FGD4: variants seen among roughly 807,000 people sequenced by gnomAD.
The protein encoded by FGD4 is FYVE, RhoGEF and PH domain-containing protein 4.
FGD4 carries 42 observed loss-of-function variants against 102.0 expected under a neutral mutation model. That is an observed-to-expected ratio of 0.41 (90% CI 0.32 to 0.53). The LOEUF is 0.53. Ranked by LOEUF, FGD4 falls within the 20% of genes least tolerant of loss-of-function variation. The pLI is 0.21. For missense variants in FGD4, 902 were observed against 1,078.2 expected (o/e 0.84, Z 2.29); for synonymous variants, 380 against 375.7 (o/e 1.01, Z -0.13).
intron 1 of FGD4, among the ~76,000 whole-genome samples, chr12:32,496,067 T>C (rs759717368): frequency 6.6e-6 from 1 of 152,216 alleles, no homozygotes; most frequent in Non-Finnish European, 1.5e-5. Context: ...AATAAATCCC[T>C]GGTATCAACA....
intron 1 of FGD4, among the ~76,000 whole-genome samples, chr12:32,425,706 A>G (rs1283798066): frequency 6.6e-6 from 1 of 152,310 alleles, no homozygotes; most frequent in African/African-American, 2.4e-5. Context: ...ATCCATGAGA[A>G]TGGAATGTTT....
intron 5 of FGD4, among the ~76,000 whole-genome samples, chr12:32,600,891 G>A (rs1051555097): frequency 4.6e-5 from 7 of 152,012 alleles, no homozygotes; most frequent in South Asian, 2.1e-4. Context: ...GAAGTCTTTC[G>A]AAACATAAAG....
chr12:32,554,977 A>G (rs73305519), intron 1 of FGD4, among the ~76,000 whole-genome samples: 2,322 of 152,378 alleles, frequency 0.015, 59 homozygotes, highest in African/African-American at 0.052. Context: ...ATGTGGATCC[A>G]TTGGAGAATT....
At chr12:32,482,831 A>G (rs769513171) in intron 1 of FGD4, among the ~76,000 whole-genome samples, 32 of 152,308 alleles carry the variant, frequency 2.1e-4, no homozygotes, top group Non-Finnish European at 4.3e-4. Flanking sequence ...GCACTTTAGA[A>G]ATCACGTTTT....
At chr12:32,452,388 A>T (rs1294508308) in intron 1 of FGD4, among the ~76,000 whole-genome samples, 1 of 152,226 alleles carries the variant, frequency 6.6e-6, no homozygotes, top group East Asian at 1.9e-4. Flanking sequence ...CTGTTCCTCC[A>T]AAAGCAAGTT....
chr12:32,563,938 C>A (rs1300880793), intron 1 of FGD4, among the ~76,000 whole-genome samples, 199 bp from the exon 2 acceptor site: 1 of 146,670 alleles, frequency 6.8e-6, no homozygotes, highest in South Asian at 2.2e-4. Context: ...TGCAGTGAGC[C>A]GAGATGGCAG....
At chr12:32,523,145 C>G (rs1940729000) in intron 1 of FGD4, among the ~76,000 whole-genome samples, 1 of 152,022 alleles carries the variant, frequency 6.6e-6, no homozygotes, top group Admixed American at 6.6e-5. Context: ...AAAAAGAGAA[C>G]AGAGAGGAAT....
At chr12:32,525,979 GC>G (rs1427126391) in intron 1 of FGD4, among the ~76,000 whole-genome samples, 6 of 152,240 alleles carry the variant, frequency 3.9e-5, no homozygotes, top group Non-Finnish European at 8.8e-5. Context: ...CTCCTGTGCG[GC>G]CCGAGCCTCC....
intron 15 of FGD4, 99 bp from the exon 16 acceptor site, chr12:32,638,556 G>A (rs1293912368): frequency 6.7e-7 from 1 of 1,486,630 alleles, no homozygotes; most frequent in Non-Finnish European, 9.3e-7. Flanking sequence ...TTTTTGGATA[G>A]TCCAGGGAAA....
At chr12:32,482,611 T>A (rs1182181051) in intron 1 of FGD4, among the ~76,000 whole-genome samples, 1 of 152,220 alleles carries the variant, frequency 6.6e-6, no homozygotes, top group Admixed American at 6.5e-5. Context: ...TAAAATGATT[T>A]GCTTACAAGT....
intron 1 of FGD4, among the ~76,000 whole-genome samples, chr12:32,405,825 A>G (rs908448700): frequency 6.6e-6 from 1 of 152,160 alleles, no homozygotes; most frequent in African/African-American, 2.4e-5. Flanking sequence ...GTTCAGAACC[A>G]GAATTCAATC....
At chr12:32,473,337 T>C (rs1377986963) in intron 1 of FGD4, among the ~76,000 whole-genome samples, 1 of 150,058 alleles carries the variant, frequency 6.7e-6, no homozygotes, top group Non-Finnish European at 1.5e-5. Flanking sequence ...TCCATGCTGC[T>C]TTTATGAGCT....
intron 1 of FGD4, among the ~76,000 whole-genome samples, chr12:32,562,840 G>A (rs1165384302): frequency 4.6e-5 from 7 of 152,286 alleles, no homozygotes; most frequent in Admixed American, 1.3e-4. Flanking sequence ...GCAACCATCC[G>A]ACTTCTCAAT....
At chr12:32,486,091 A>C (rs1415574900) in intron 1 of FGD4, 1 of 1,525,678 alleles carries the variant, frequency 6.6e-7, no homozygotes, top group Non-Finnish European at 8.7e-7. Context: ...AGCAGGAAAT[A>C]GGTTAATCAG....
At chr12:32,463,128 G>C (rs777771720) in intron 1 of FGD4, among the ~76,000 whole-genome samples, 3 of 152,214 alleles carry the variant, frequency 2.0e-5, no homozygotes, top group Non-Finnish European at 4.4e-5. Flanking sequence ...GTGCCTTCTT[G>C]TTTATAACTT....
At chr12:32,622,085 G>A (rs561556599) in intron 11 of FGD4, among the ~76,000 whole-genome samples, 6 of 151,736 alleles carry the variant, frequency 4.0e-5, no homozygotes, top group East Asian at 1.9e-4. Flanking sequence ...ATGGGGTTTC[G>A]CCATTTTGGC....
At chr12:32,514,025 A>T (rs955174371) in intron 1 of FGD4, among the ~76,000 whole-genome samples, 2 of 152,178 alleles carry the variant, frequency 1.3e-5, no homozygotes, top group African/African-American at 2.4e-5. Flanking sequence ...TTCAAAGCAA[A>T]CTTCCAGTTT....
At chr12:32,460,203 TG>T (rs1463108855) in intron 1 of FGD4, among the ~76,000 whole-genome samples, 1 of 152,216 alleles carries the variant, frequency 6.6e-6, no homozygotes, top group African/African-American at 2.4e-5. Flanking sequence ...TTTATCTTTG[TG>T]TCATCTTATT....
intron 1 of FGD4, among the ~76,000 whole-genome samples, chr12:32,422,143 CAAAA>C (rs1273373298): frequency 8.8e-6 from 1 of 113,344 alleles, no homozygotes. Flanking sequence ...GACTCTGTCT[CAAAA>C]AAAAAAAAAG....
Sources: gnomAD v4.1 joint callset for allele counts (sites outside exome capture counted in the v4.1 genomes callset) on GRCh38, gnomAD v4.1.1 for gene constraint, MANE v1.5 for transcripts, NCBI Gene and HGNC (gene_info 2026-07-23, HGNC 2026-07-21) for gene names.